Variants in AKR1C8 observed in about 807,000 individuals in gnomAD.
AKR1C8 encodes aldo-keto reductase family 1 member C-like protein 1.
the AKR1C8 span, among the ~76,000 whole-genome samples, chr10:5,163,836 A>G: frequency 1.3e-5 from 2 of 152,168 alleles, no homozygotes; most frequent in Admixed American, 1.3e-4. Flanking sequence ...CTCACCACAG[A>G]TATGCCTTTG....
chr10:5,156,054 CCTTT>C, the AKR1C8 span, among the ~76,000 whole-genome samples: 1 of 152,234 alleles, frequency 6.6e-6, no homozygotes, highest in Admixed American at 6.5e-5. Flanking sequence ...AAAAGGAAAT[CCTTT>C]ATTTTAAAAT....
the AKR1C8 span, among the ~76,000 whole-genome samples, chr10:5,139,997 G>A: frequency 6.6e-6 from 1 of 152,152 alleles, no homozygotes; most frequent in African/African-American, 2.4e-5. Context: ...GACATGAATA[G>A]ACACTTCTCA....
At chr10:5,155,789 T>TC in the AKR1C8 span, 1 of 457,728 alleles carries the variant, frequency 2.2e-6, no homozygotes, top group Non-Finnish European at 4.5e-6. Context: ...CATTAACCCC[T>TC]CCCCAGGGCA....
At chr10:5,176,676 C>A in the AKR1C8 span, among the ~76,000 whole-genome samples, 1 of 152,156 alleles carries the variant, frequency 6.6e-6, no homozygotes, top group Non-Finnish European at 1.5e-5. Flanking sequence ...TGTAGTTCTC[C>A]TTGAAGAGGT....
At chr10:5,169,000 C>T in the AKR1C8 span, among the ~76,000 whole-genome samples, 3 of 152,126 alleles carry the variant, frequency 2.0e-5, no homozygotes, top group African/African-American at 7.2e-5. Flanking sequence ...ACCTCCCTAT[C>T]TCCTGATTCA....
At chr10:5,142,031 G>A in the AKR1C8 span, among the ~76,000 whole-genome samples, 16 of 151,998 alleles carry the variant, frequency 1.1e-4, no homozygotes, top group South Asian at 4.2e-4. Context: ...TATTGTAGTC[G>A]CTTTCATTAA....
chr10:5,170,848 T>C, the AKR1C8 span, among the ~76,000 whole-genome samples: 2 of 152,148 alleles, frequency 1.3e-5, no homozygotes, highest in Non-Finnish European at 1.5e-5. Context: ...TGCAAATAAC[T>C]ATATTGCCAT....
the AKR1C8 span, among the ~76,000 whole-genome samples, chr10:5,143,084 A>G: frequency 6.6e-6 from 1 of 152,066 alleles, no homozygotes; most frequent in South Asian, 2.1e-4. Context: ...GTAGGGCATC[A>G]TTTCTGGGTG....
At chr10:5,153,076 A>T in the AKR1C8 span, among the ~76,000 whole-genome samples, 4 of 152,178 alleles carry the variant, frequency 2.6e-5, no homozygotes, top group African/African-American at 9.7e-5. Context: ...GCAATTTCTA[A>T]CAACTACGTA....
the AKR1C8 span, chr10:5,160,736 C>A: frequency 2.3e-6 from 1 of 435,958 alleles, no homozygotes; most frequent in Non-Finnish European, 4.7e-6. Context: ...GAGCAAAATC[C>A]CATCTCTTCT....
At chr10:5,176,410 G>A in the AKR1C8 span, among the ~76,000 whole-genome samples, 68,749 of 137,126 alleles carry the variant, frequency 0.5, 18,501 homozygotes, top group Non-Finnish European at 0.59. Flanking sequence ...GTCAGGTAGT[G>A]TGATGCCTCC....
chr10:5,122,044 T>C, the AKR1C8 span: 11 of 261,912 alleles, frequency 4.2e-5, 1 homozygote, highest in South Asian at 4.5e-4. Flanking sequence ...TTTTTGTGCA[T>C]CCTGCAGAAA....
At chr10:5,183,135 ACTTATT>A in the AKR1C8 span, among the ~76,000 whole-genome samples, 1 of 152,132 alleles carries the variant, frequency 6.6e-6, no homozygotes, top group Non-Finnish European at 1.5e-5. Flanking sequence ...GACTAACCCT[ACTTATT>A]CTTATGAACT....
chr10:5,120,893 G>A, the AKR1C8 span, among the ~76,000 whole-genome samples: 1 of 152,030 alleles, frequency 6.6e-6, no homozygotes, highest in Non-Finnish European at 1.5e-5. Flanking sequence ...TGGAAAATAT[G>A]ATGCTATTAC....
chr10:5,169,221 G>A, the AKR1C8 span, among the ~76,000 whole-genome samples: 2 of 152,162 alleles, frequency 1.3e-5, no homozygotes, highest in African/African-American at 2.4e-5. Context: ...GCTAGAAAGG[G>A]AGCTGCAATT....
the AKR1C8 span, among the ~76,000 whole-genome samples, chr10:5,145,458 G>A: frequency 1.3e-5 from 2 of 151,966 alleles, no homozygotes; most frequent in Non-Finnish European, 2.9e-5. Context: ...CTGATAAAGG[G>A]CTAATATCCA....
chr10:5,120,143 C>T, the AKR1C8 span, among the ~76,000 whole-genome samples: 7 of 152,210 alleles, frequency 4.6e-5, no homozygotes, highest in African/African-American at 9.6e-5. Flanking sequence ...ATAGCATGAG[C>T]GATCTGTGCC....
the AKR1C8 span, among the ~76,000 whole-genome samples, chr10:5,179,933 C>T: frequency 6.6e-5 from 10 of 152,176 alleles, no homozygotes; most frequent in Non-Finnish European, 1.2e-4. Context: ...CCTCCTGTAG[C>T]TCAGAGTAGT....
the AKR1C8 span, among the ~76,000 whole-genome samples, chr10:5,146,757 CTT>C: frequency 6.6e-6 from 1 of 152,126 alleles, no homozygotes; most frequent in Admixed American, 6.5e-5. Context: ...AGCTACTTAT[CTT>C]TGCTTTTATT....
Sources: allele counts gnomAD v4.1 joint callset (sites outside exome capture counted in the v4.1 genomes callset), GRCh38; gene constraint gnomAD v4.1.1; transcripts MANE v1.5; gene names NCBI Gene and HGNC (gene_info 2026-07-23, HGNC 2026-07-21).